EYS: variants seen among roughly 807,000 people sequenced by gnomAD.
EYS encodes protein eyes shut homolog.
EYS carries 250 observed loss-of-function variants against 282.1 expected under a neutral mutation model. That is an observed-to-expected ratio of 0.89 (90% CI 0.80 to 0.98). EYS has a LOEUF of 0.98. EYS is among the 50% of genes least tolerant of loss of function. The pLI is 0.00. For missense variants in EYS, 4,016 were observed against 3,709.0 expected (o/e 1.08, Z -2.15); for synonymous variants, 1,355 against 1,282.9 (o/e 1.06, Z -1.20).
chr6:65,204,995 A>ATTCTAGAAGAATATATTTATATC (rs1765996918), intron 12 of EYS, among the ~76,000 whole-genome samples: 1 of 114,910 alleles, frequency 8.7e-6, no homozygotes, highest in Admixed American at 8.3e-5. Context: ...ATATTTATAT[A>ATTCTAGAAGAATATATTTATATC]TTCTAGAAGA....
intron 29 of EYS, among the ~76,000 whole-genome samples, chr6:64,368,384 A>G (rs1772246615): frequency 6.6e-6 from 1 of 152,152 alleles, no homozygotes; most frequent in Non-Finnish European, 1.5e-5. Flanking sequence ...GCTCTTTGTG[A>G]ATAGTGCTGC....
At chr6:65,695,070 C>T (rs899683532) in intron 1 of EYS, among the ~76,000 whole-genome samples, 1 of 151,886 alleles carries the variant, frequency 6.6e-6, no homozygotes, top group Non-Finnish European at 1.5e-5. Context: ...ATACATTTTA[C>T]AAGAAAACTA....
chr6:65,009,457 G>T (rs887993640), intron 13 of EYS, among the ~76,000 whole-genome samples: 2 of 152,130 alleles, frequency 1.3e-5, no homozygotes, highest in Admixed American at 6.5e-5. Context: ...AAGCAGAGTG[G>T]TTTACAGTCC....
At chr6:63,998,977 A>G in intron 34 of EYS, 98 bp downstream of exon 34, 1 of 733,644 alleles carries the variant, frequency 1.4e-6, no homozygotes, top group Non-Finnish European at 2.3e-6. Context: ...GAATCTGTTC[A>G]ATTAAGAAAT....
intron 22 of EYS, among the ~76,000 whole-genome samples, chr6:64,789,045 T>C (rs559274468): frequency 1.3e-5 from 2 of 152,258 alleles, no homozygotes; most frequent in African/African-American, 4.8e-5. Context: ...CACTGGAATA[T>C]ATCTCCAGTC....
intron 28 of EYS, among the ~76,000 whole-genome samples, chr6:64,421,188 G>A (rs749651171): frequency 1.3e-5 from 2 of 152,146 alleles, no homozygotes; most frequent in Non-Finnish European, 2.9e-5. Context: ...GGGAGGGGAA[G>A]TAAACATGTC....
chr6:65,354,067 T>C (rs1342320982), intron 8 of EYS, among the ~76,000 whole-genome samples: 5 of 152,204 alleles, frequency 3.3e-5, no homozygotes, highest in African/African-American at 4.8e-5. Flanking sequence ...TGTCTAATAA[T>C]ATGATTTGTT....
intron 1 of EYS, among the ~76,000 whole-genome samples, chr6:65,701,587 C>A (rs937575373): frequency 9.2e-5 from 14 of 152,022 alleles, no homozygotes; most frequent in African/African-American, 3.4e-4. Context: ...TCTAAAATAC[C>A]CTCCCAGGCA....
chr6:63,902,839 G>A (rs907185774), intron 35 of EYS, among the ~76,000 whole-genome samples: 7 of 149,136 alleles, frequency 4.7e-5, no homozygotes, highest in East Asian at 1.9e-4. Flanking sequence ...GGGCATGGGC[G>A]GTAACAGTAT....
chr6:63,770,578 G>A (rs1769905653), intron 40 of EYS, among the ~76,000 whole-genome samples: 1 of 152,092 alleles, frequency 6.6e-6, no homozygotes, highest in Non-Finnish European at 1.5e-5. Flanking sequence ...TTATTTCTCT[G>A]CTCTTTAAAG....
At chr6:65,678,182 G>A (rs191672926) in intron 1 of EYS, among the ~76,000 whole-genome samples, 4 of 152,020 alleles carry the variant, frequency 2.6e-5, no homozygotes, top group East Asian at 3.9e-4. Flanking sequence ...ACTAGATCTC[G>A]TGTGAACTCA....
intron 39 of EYS, chr6:63,787,319 T>C (rs1562025940): frequency 6.6e-6 from 1 of 152,250 alleles, no homozygotes; most frequent in East Asian, 1.9e-4. Flanking sequence ...CTCTGTGGGC[T>C]ACCCCTTGGT....
chr6:65,372,726 A>G (rs750301728), intron 8 of EYS, among the ~76,000 whole-genome samples: 1 of 152,086 alleles, frequency 6.6e-6, no homozygotes, highest in Non-Finnish European at 1.5e-5. Flanking sequence ...GATATTCCTC[A>G]TCACAATTTC....
At position 64,946,100 on chromosome 6, in the gene EYS, T is replaced by A. The variant is rs940068090; in HGVS notation, c.2260-186A>T. 3.3e-5 allele frequency among the ~76,000 whole-genome samples: 5 copies of A among 152,056 alleles called. No homozygotes were observed. Among genetic ancestry groups the A allele is most frequent in the Non-Finnish European group, 2.9e-5 (2 of 67,964 alleles). Reference sequence around the variant, plus strand: ...AAAGCGTGTGAACAGTATTCTTTAGTATCTAATTAAATAAAGTTTTGTAGT... The same window carrying A: ...AAAGCGTGTGAACAGTATTCTTTAGAATCTAATTAAATAAAGTTTTGTAGT... On this transcript the variant is annotated intron_variant, in intron 14 of 42. Transcript: ENST00000503581.
At chr6:64,532,171 T>A (rs1219333615) in intron 26 of EYS, among the ~76,000 whole-genome samples, 4 of 152,196 alleles carry the variant, frequency 2.6e-5, no homozygotes, top group Non-Finnish European at 4.4e-5. Context: ...TCACCCAGGC[T>A]ACAAAGCAGA....
intron 36 of EYS, among the ~76,000 whole-genome samples, chr6:63,835,299 A>G (rs1157947555): frequency 1.3e-5 from 2 of 151,240 alleles, no homozygotes; most frequent in African/African-American, 4.9e-5. Context: ...TACTATATAC[A>G]TACATATATA....
chr6:64,869,850 T>A (rs886880412), intron 19 of EYS, among the ~76,000 whole-genome samples: 1 of 151,592 alleles, frequency 6.6e-6, no homozygotes, highest in East Asian at 1.9e-4. Context: ...TAAGATCTTT[T>A]TTTTTCTTTT....
chr6:65,651,152 A>G (rs959618556), intron 1 of EYS, among the ~76,000 whole-genome samples: 7 of 152,108 alleles, frequency 4.6e-5, no homozygotes, highest in African/African-American at 9.7e-5. Context: ...AATATTATCA[A>G]TTATAAATTG....
intron 28 of EYS, among the ~76,000 whole-genome samples, chr6:64,398,048 C>T (rs1254732226): frequency 1.3e-5 from 2 of 151,742 alleles, no homozygotes; most frequent in African/African-American, 4.8e-5. Flanking sequence ...CTAATTTTAG[C>T]TCAAATTGAG....
Sources: gnomAD v4.1 joint callset for allele counts (sites outside exome capture counted in the v4.1 genomes callset) on GRCh38, gnomAD v4.1.1 for gene constraint, MANE v1.5 for transcripts, NCBI Gene and HGNC (gene_info 2026-07-23, HGNC 2026-07-21) for gene names.